RP1: variants seen among roughly 807,000 people sequenced by gnomAD.
The protein encoded by RP1 is oxygen-regulated protein 1.
Under a neutral mutation model 14.8 loss-of-function variants are expected in RP1, and 16 were observed. The observed-to-expected ratio is 1.08, with a 90% CI of 0.73 to 1.65. The LOEUF is 1.65. RP1 is among the 40% of genes most tolerant of loss of function. The pLI is 0.00. For missense variants in RP1, 2,631 were observed against 2,535.0 expected (o/e 1.04, Z -0.81); for synonymous variants, 876 against 883.6 (o/e 0.99, Z 0.15).
At chr8:54,687,734 A>G (rs565973938) in intron 12 of RP1, among the ~76,000 whole-genome samples, 1 of 152,262 alleles carries the variant, frequency 6.6e-6, no homozygotes, top group Non-Finnish European at 1.5e-5. Context: ...TGTCGGTTCC[A>G]AGACTTTGCT....
In RP1 at chr8:54,819,390, G is replaced by A. The variant is rs144265454; in HGVS notation, c.3616-18060G>A. ...TATCAGTTATCTTGAAGTTTGTTGA[G>A]CTTCCTTGAAACAGCTATTTTGAAT... On this transcript the variant is annotated intron_variant, in intron 24 of 28. Transcript: ENST00000637698. 3.4e-3 allele frequency among the ~76,000 whole-genome samples: 510 copies of A among 152,016 alleles called. 7 individuals are homozygous for A. Among genetic ancestry groups the A allele is most frequent in the Admixed American group, 0.021 (325 of 15,256 alleles).
At chr8:54,701,543 C>A (rs988146234) in exon 14 of RP1, 7 of 1,535,702 alleles carry the variant, frequency 4.6e-6, no homozygotes, top group Admixed American at 2.0e-5. Flanking sequence ...CCGCTGTGCA[C>A]TTCTTGAGTC....
chr8:54,678,680 C>A, intron 9 of RP1: 1 of 599,200 alleles, frequency 1.7e-6, no homozygotes, highest in Non-Finnish European at 2.9e-6. Flanking sequence ...TTTAGTGGCT[C>A]TTTATGCTAT....
intron 24 of RP1, among the ~76,000 whole-genome samples, chr8:54,800,312 T>C (rs1810672915): frequency 6.6e-6 from 1 of 151,964 alleles, no homozygotes; most frequent in Non-Finnish European, 1.5e-5. Flanking sequence ...TTTGCCTCTG[T>C]GTGTGTTGGG....
chr8:54,616,065 T>A (rs756777388), upstream of RP1: 2 of 152,228 alleles, frequency 1.3e-5, no homozygotes. Flanking sequence ...AATCCCTTGC[T>A]GGACATACTG....
At chr8:54,820,623 A>G (rs538014102) in intron 24 of RP1, among the ~76,000 whole-genome samples, 54 of 152,122 alleles carry the variant, frequency 3.5e-4, no homozygotes, top group Non-Finnish European at 6.0e-4. Context: ...CCCAAGCACA[A>G]GGATTCTCTG....
intron 3 of RP1, among the ~76,000 whole-genome samples, chr8:54,647,284 G>A (rs1806569865): frequency 6.6e-6 from 1 of 151,690 alleles, no homozygotes; most frequent in Non-Finnish European, 1.5e-5. Context: ...GTGTGGTGGC[G>A]GGCACCTGTA....
chr8:54,578,490 G>A (rs1417099645), intron 1 of RP1, among the ~76,000 whole-genome samples: 1 of 152,138 alleles, frequency 6.6e-6, no homozygotes, highest in Non-Finnish European at 1.5e-5. Flanking sequence ...TTATAGGTGT[G>A]AGCCACTGCA....
At chr8:54,559,549 A>G (rs1280352979) in intron 1 of RP1, among the ~76,000 whole-genome samples, 3 of 152,026 alleles carry the variant, frequency 2.0e-5, no homozygotes, top group African/African-American at 4.8e-5. Flanking sequence ...TGAGTGAACC[A>G]TTTTTCCTGT....
chr8:54,596,344 A>G (rs1805145215), intron 1 of RP1, among the ~76,000 whole-genome samples: 1 of 152,138 alleles, frequency 6.6e-6, no homozygotes, highest in Non-Finnish European at 1.5e-5. Flanking sequence ...GTAAATCTAC[A>G]ATTTCTGGAG....
At chr8:54,702,345 C>T (rs753186671) in intron 14 of RP1, among the ~76,000 whole-genome samples, 6 of 152,092 alleles carry the variant, frequency 3.9e-5, no homozygotes, top group Non-Finnish European at 4.4e-5. Context: ...TAGACCATTG[C>T]AATAAAGCAG....
At chr8:54,717,519 G>A (rs186367095) in intron 15 of RP1, among the ~76,000 whole-genome samples, 13 of 152,230 alleles carry the variant, frequency 8.5e-5, no homozygotes, top group Admixed American at 2.6e-4. Context: ...GTGGATTACT[G>A]AATATTAATG....
chr8:54,681,045 A>G (rs1024852760), intron 12 of RP1, among the ~76,000 whole-genome samples: 2 of 152,070 alleles, frequency 1.3e-5, no homozygotes, highest in African/African-American at 4.8e-5. Context: ...TTCTTTAGAC[A>G]TTTTCCTTAC....
Position 54,626,538 on chromosome 8 carries a change from C to A in RP1, c.2656C>A (p.Gln886Lys). The part of the protein sequence containing the change: ...KVKASAILSK[Q>K]HATTRANSLA... ...GAAAGCAAGTGCTATTTTAAGTAAA[C>A]AACATGCTACAACCAGGGCAAATTC... Residue 886 changes from glutamine to lysine, a missense_variant, in exon 4 of 4, where the codon CAA becomes AAA. Gln to Lys is a moderately conservative substitution (Grantham distance 53). Transcript: ENST00000220676. 6.2e-7 allele frequency: 1 copy of A among 1,613,710 alleles called. No individual in the cohort carries two copies. The highest frequency in any genetic ancestry group is 1.3e-5 in the African/African-American group (1 of 75,014).
intron 1 of RP1, among the ~76,000 whole-genome samples, chr8:54,589,010 C>T (rs759566562): frequency 2.6e-5 from 4 of 152,144 alleles, no homozygotes; most frequent in Non-Finnish European, 4.4e-5. Context: ...CCTTTAGATT[C>T]ACTTCCAGGT....
At chr8:54,585,850 G>T (rs1242815862) in intron 1 of RP1, among the ~76,000 whole-genome samples, 3 of 152,228 alleles carry the variant, frequency 2.0e-5, no homozygotes, top group East Asian at 3.9e-4. Flanking sequence ...AGCTCCATCA[G>T]GTCCTTTAAG....
At chr8:54,791,994 C>T (rs1810475728) in intron 24 of RP1, among the ~76,000 whole-genome samples, 1 of 151,934 alleles carries the variant, frequency 6.6e-6, no homozygotes, top group Non-Finnish European at 1.5e-5. Flanking sequence ...CACACATAGG[C>T]TGTAGTTAGG....
At chr8:54,782,522 G>A in intron 23 of RP1, among the ~76,000 whole-genome samples, 1 of 152,068 alleles carries the variant, frequency 6.6e-6, no homozygotes, top group East Asian at 1.9e-4. Context: ...AAGGTTGTAG[G>A]TTTATGGGGC....
chr8:54,682,734 C>T (rs1807465935), intron 12 of RP1, among the ~76,000 whole-genome samples: 1 of 151,954 alleles, frequency 6.6e-6, no homozygotes. Flanking sequence ...AAATTTTTCT[C>T]CCATTCTCTA....
Sources: gnomAD v4.1 joint callset for allele counts (sites outside exome capture counted in the v4.1 genomes callset) on GRCh38, gnomAD v4.1.1 for gene constraint, MANE v1.5 for transcripts, NCBI Gene and HGNC (gene_info 2026-07-23, HGNC 2026-07-21) for gene names.